SDK1: variants seen among roughly 807,000 people sequenced by gnomAD.
SDK1 encodes sidekick cell adhesion molecule 1.
SDK1 carries 157 observed loss-of-function variants against 245.5 expected under a neutral mutation model. The observed-to-expected ratio is 0.64, with a 90% CI of 0.56 to 0.73. The LOEUF (loss-of-function observed/expected upper bound fraction) is 0.73. Among genes scored for constraint, SDK1 ranks in the 30% least tolerant of loss-of-function variants. The pLI is 0.00. For missense variants in SDK1, 3,583 were observed against 3,002.3 expected (o/e 1.19, Z -4.52); for synonymous variants, 1,647 against 1,278.5 (o/e 1.29, Z -6.15).
At chr7:4,237,533 C>A in intron 41 of SDK1, 114 bp from the exon 42 acceptor site, 1 of 1,212,724 alleles carries the variant, frequency 8.2e-7, no homozygotes, top group Non-Finnish European at 1.2e-6. Flanking sequence ...TTCATCTCAC[C>A]TGTAACTGGG....
At chr7:3,747,380 ATATT>A (rs1185520850) in intron 4 of SDK1, among the ~76,000 whole-genome samples, 4 of 152,170 alleles carry the variant, frequency 2.6e-5, no homozygotes, top group Non-Finnish European at 5.9e-5. Flanking sequence ...TTTTCTTGCA[ATATT>A]TATTGAAGGC....
chr7:4,152,023 C>T (rs1050491463), intron 30 of SDK1, among the ~76,000 whole-genome samples: 16 of 152,182 alleles, frequency 1.1e-4, no homozygotes, highest in Admixed American at 2.0e-4. Context: ...TTAGTAGCTG[C>T]GTGGCCTTGG....
At chr7:3,629,174 G>T (rs1445407211) in intron 2 of SDK1, among the ~76,000 whole-genome samples, 2 of 151,368 alleles carry the variant, frequency 1.3e-5, no homozygotes, top group Non-Finnish European at 2.9e-5. Flanking sequence ...GGTGGCGGGC[G>T]CCTGTAGTCC....
chr7:3,444,644 C>A (rs1780293659), intron 1 of SDK1, among the ~76,000 whole-genome samples: 1 of 152,140 alleles, frequency 6.6e-6, no homozygotes, highest in Non-Finnish European at 1.5e-5. Context: ...TGTCCCCTCT[C>A]TCTAGCTATG....
intron 1 of SDK1, among the ~76,000 whole-genome samples, chr7:3,427,776 T>C (rs952216679): frequency 2.6e-5 from 4 of 152,182 alleles, no homozygotes; most frequent in African/African-American, 4.8e-5. Context: ...CTTTATTCTT[T>C]TGCTAATTTA....
At chr7:4,045,674 G>A (rs181108174) in intron 17 of SDK1, among the ~76,000 whole-genome samples, 24 of 152,264 alleles carry the variant, frequency 1.6e-4, no homozygotes, top group Non-Finnish European at 1.5e-4. Context: ...CCAGGTGGCC[G>A]TGCCATGGGC....
rs747135876 is a variant in SDK1 at position 3,953,031 on chromosome 7, G to A, written c.1150+1111G>A. Among the ~76,000 whole-genome samples the A allele has an allele frequency of 9.2e-5, 14 of 152,062 alleles. No homozygotes were observed. The East Asian group carries it at 1.2e-3, about 13-fold the overall frequency. On this transcript the variant is annotated intron_variant, in intron 7 of 44. Coordinates refer to ENST00000404826, the MANE Select transcript of SDK1 (RefSeq NM_152744.4). ...TTGATAAGAGGTAGCCTTAGAGGCC[G>A]CCTCTAGGAAGGAGAATCTCGACTT...
At chr7:3,819,255 C>A in intron 4 of SDK1, among the ~76,000 whole-genome samples, 1 of 149,488 alleles carries the variant, frequency 6.7e-6, no homozygotes, top group Admixed American at 6.7e-5. Flanking sequence ...TGAATTTTGG[C>A]TTAAACCTTT....
At chr7:3,471,981 G>C (rs1341601761) in intron 1 of SDK1, among the ~76,000 whole-genome samples, 1 of 152,128 alleles carries the variant, frequency 6.6e-6, no homozygotes, top group Admixed American at 6.5e-5. Flanking sequence ...TTACTTGAAG[G>C]ATGCATTATA....
At chr7:3,843,837 C>G (rs1264448604) in intron 5 of SDK1, among the ~76,000 whole-genome samples, 3 of 151,876 alleles carry the variant, frequency 2.0e-5, no homozygotes, top group African/African-American at 7.3e-5. Context: ...ATGAGCACAA[C>G]AAAATGAAAT....
chr7:3,784,247 T>C (rs1271181386), intron 4 of SDK1, among the ~76,000 whole-genome samples: 1 of 151,902 alleles, frequency 6.6e-6, no homozygotes, highest in Non-Finnish European at 1.5e-5. Context: ...AAAGATATTA[T>C]GCCAAGAATA....
At chr7:3,348,420 C>T (rs532355319) in intron 1 of SDK1, among the ~76,000 whole-genome samples, 1 of 152,228 alleles carries the variant, frequency 6.6e-6, no homozygotes, top group East Asian at 1.9e-4. Context: ...AAGGTGGGTG[C>T]AGCTGGAGGT....
chr7:3,696,420 C>A (rs1159504202), intron 4 of SDK1, among the ~76,000 whole-genome samples: 3 of 152,114 alleles, frequency 2.0e-5, no homozygotes, highest in Admixed American at 6.6e-5. Flanking sequence ...CTTGATTGAC[C>A]AGTAACTGAT....
intron 1 of SDK1, among the ~76,000 whole-genome samples, chr7:3,352,623 G>C (rs1158402458): frequency 6.6e-6 from 1 of 152,108 alleles, no homozygotes; most frequent in African/African-American, 2.4e-5. Flanking sequence ...TTTCCATGTT[G>C]AATAACAGAG....
intron 5 of SDK1, among the ~76,000 whole-genome samples, chr7:3,925,637 G>A (rs1474799854): frequency 6.6e-6 from 1 of 152,202 alleles, no homozygotes; most frequent in Non-Finnish European, 1.5e-5. Flanking sequence ...CCTGCAGTGG[G>A]CAGGCAGCAT....
chr7:3,435,656 C>T (rs1364840837), intron 1 of SDK1, among the ~76,000 whole-genome samples: 12 of 152,066 alleles, frequency 7.9e-5, no homozygotes, highest in Admixed American at 7.9e-4. Context: ...TGAGCCACTG[C>T]ACTCTGTGGG....
chr7:3,967,749 C>T (rs958160225), intron 10 of SDK1, among the ~76,000 whole-genome samples: 2 of 152,154 alleles, frequency 1.3e-5, no homozygotes, highest in African/African-American at 4.8e-5. Flanking sequence ...GTGTGCGTTC[C>T]TATGAGAATC....
At chr7:4,028,610 C>A (rs1157017894) in intron 17 of SDK1, among the ~76,000 whole-genome samples, 3 of 152,186 alleles carry the variant, frequency 2.0e-5, no homozygotes, top group Non-Finnish European at 4.4e-5. Flanking sequence ...TGAAAACACA[C>A]GTTTGGAGGA....
At chr7:3,764,540 G>T (rs983165995) in intron 4 of SDK1, among the ~76,000 whole-genome samples, 3 of 152,084 alleles carry the variant, frequency 2.0e-5, no homozygotes, top group South Asian at 2.1e-4. Context: ...ACAAAAATTA[G>T]CTGGGCATGG....
Sources: gnomAD v4.1 joint callset for allele counts (sites outside exome capture counted in the v4.1 genomes callset) on GRCh38, gnomAD v4.1.1 for gene constraint, MANE v1.5 for transcripts, NCBI Gene and HGNC (gene_info 2026-07-23, HGNC 2026-07-21) for gene names.